The following HS6ST3 variants were observed in gnomAD, a reference collection of about 807,000 sequenced individuals.
The protein encoded by HS6ST3 is heparan sulfate 6-O-sulfotransferase 3, also known as heparan-sulfate 6-O-sulfotransferase 3.
Under a neutral mutation model 36.7 loss-of-function variants are expected in HS6ST3, and 12 were observed. The observed-to-expected ratio is 0.33, with a 90% CI of 0.21 to 0.53. HS6ST3 has a LOEUF of 0.53. Ranked by LOEUF, HS6ST3 falls within the 20% of genes least tolerant of loss-of-function variation. The pLI, the probability that HS6ST3 is intolerant of heterozygous loss-of-function variation, is 0.95. For synonymous variants in HS6ST3, 240 were observed against 257.5 expected (o/e 0.93, Z 0.65); for missense variants, 584 against 640.9 (o/e 0.91, Z 0.96).
At chr13:96,187,652 A>AT (rs2054270627) in intron 1 of HS6ST3, among the ~76,000 whole-genome samples, 1 of 152,100 alleles carries the variant, frequency 6.6e-6, no homozygotes. Flanking sequence ...TCTATGGCCA[A>AT]TTTTCAAGAC....
intron 1 of HS6ST3, among the ~76,000 whole-genome samples, chr13:96,722,531 A>G (rs1875876155): frequency 6.6e-6 from 1 of 152,194 alleles, no homozygotes; most frequent in Non-Finnish European, 1.5e-5. Context: ...CTGTAGAAAG[A>G]ACACATGGGT....
At chr13:96,480,660 G>A (rs545898486) in intron 1 of HS6ST3, among the ~76,000 whole-genome samples, 3 of 152,056 alleles carry the variant, frequency 2.0e-5, no homozygotes, top group East Asian at 1.9e-4. Flanking sequence ...TACATCACTG[G>A]GTTCTAGAGG....
chr13:96,548,359 T>A (rs868446272), intron 1 of HS6ST3, among the ~76,000 whole-genome samples: 14 of 152,124 alleles, frequency 9.2e-5, no homozygotes, highest in African/African-American at 3.4e-4. Flanking sequence ...AGCACCAATT[T>A]CACTTTTCCA....
intron 1 of HS6ST3, among the ~76,000 whole-genome samples, chr13:96,468,338 G>A (rs909219288): frequency 2.0e-5 from 3 of 152,094 alleles, no homozygotes; most frequent in Non-Finnish European, 2.9e-5. Flanking sequence ...GAAATTGGGT[G>A]TCTTTAAATG....
chr13:96,738,674 G>GA (rs775274055), intron 1 of HS6ST3, among the ~76,000 whole-genome samples: 5 of 152,072 alleles, frequency 3.3e-5, no homozygotes, highest in Non-Finnish European at 7.4e-5. Flanking sequence ...GAAATTAAGT[G>GA]AAAAAAGTTG....
intron 1 of HS6ST3, among the ~76,000 whole-genome samples, chr13:96,328,355 A>C (rs1384465424): frequency 1.3e-5 from 2 of 151,266 alleles, no homozygotes; most frequent in Non-Finnish European, 3.0e-5. Context: ...AATACGTCCC[A>C]TCAATACCTA....
chr13:96,297,082 T>C (rs897119210), intron 1 of HS6ST3, among the ~76,000 whole-genome samples: 3 of 152,266 alleles, frequency 2.0e-5, no homozygotes, highest in Middle Eastern at 6.8e-3. Flanking sequence ...ACAGACTCTT[T>C]AGCATTTTTT....
intron 1 of HS6ST3, among the ~76,000 whole-genome samples, chr13:96,322,416 G>C (rs1029710223): frequency 6.6e-6 from 1 of 150,826 alleles, no homozygotes; most frequent in Admixed American, 6.6e-5. Flanking sequence ...CATTATCCAG[G>C]TGTGGTGGTT....
intron 1 of HS6ST3, among the ~76,000 whole-genome samples, chr13:96,662,984 T>G (rs770987738): frequency 1.6e-4 from 24 of 152,128 alleles, no homozygotes; most frequent in Non-Finnish European, 3.1e-4. Flanking sequence ...TTCTTTCAGG[T>G]AGTGGGCTGG....
intron 1 of HS6ST3, among the ~76,000 whole-genome samples, chr13:96,390,194 C>T (rs762417010): frequency 1.7e-4 from 26 of 152,070 alleles, no homozygotes; most frequent in Non-Finnish European, 3.4e-4. Flanking sequence ...CTGTATAATT[C>T]AGACCCATAG....
chr13:96,738,214 C>T (rs951605107), intron 1 of HS6ST3, among the ~76,000 whole-genome samples: 3 of 152,294 alleles, frequency 2.0e-5, no homozygotes, highest in South Asian at 2.1e-4. Flanking sequence ...CATTCTCAGA[C>T]GTTACCGAAG....
intron 1 of HS6ST3, among the ~76,000 whole-genome samples, chr13:96,455,723 G>A (rs1364079885): frequency 1.3e-5 from 2 of 152,222 alleles, no homozygotes; most frequent in East Asian, 1.9e-4. Context: ...TAATATAGAA[G>A]TTTGATAGTT....
At chr13:96,154,506 G>C (rs986031241) in intron 1 of HS6ST3, among the ~76,000 whole-genome samples, 1 of 152,032 alleles carries the variant, frequency 6.6e-6, no homozygotes, top group Non-Finnish European at 1.5e-5. Flanking sequence ...ATTCAGCTTA[G>C]TGTAACATCA....
At chr13:96,167,725 G>A (rs937645206) in intron 1 of HS6ST3, among the ~76,000 whole-genome samples, 1 of 152,144 alleles carries the variant, frequency 6.6e-6, no homozygotes, top group Non-Finnish European at 1.5e-5. Flanking sequence ...TCATGAATAG[G>A]TGATTAATTA....
intron 1 of HS6ST3, among the ~76,000 whole-genome samples, chr13:96,451,262 T>C (rs1355342109): frequency 6.6e-6 from 1 of 152,160 alleles, no homozygotes; most frequent in East Asian, 1.9e-4. Flanking sequence ...GATGTTGATA[T>C]AGATAACATA....
At chr13:96,159,823 C>T (rs549858531) in intron 1 of HS6ST3, among the ~76,000 whole-genome samples, 2 of 152,226 alleles carry the variant, frequency 1.3e-5, no homozygotes, top group South Asian at 2.1e-4. Context: ...TCTGAGCAAG[C>T]GTGTCCTTCC....
At chr13:96,147,716 C>T (rs138579761) in intron 1 of HS6ST3, among the ~76,000 whole-genome samples, 1 of 152,220 alleles carries the variant, frequency 6.6e-6, no homozygotes, top group Non-Finnish European at 1.5e-5. Context: ...CACCTTGCAC[C>T]CTGAGCTGCA....
At chr13:96,788,607 C>G (rs903313573) in intron 1 of HS6ST3, among the ~76,000 whole-genome samples, 1 of 151,818 alleles carries the variant, frequency 6.6e-6, no homozygotes, top group Non-Finnish European at 1.5e-5. Context: ...TTTTTGTTCA[C>G]TTGTTACAGT....
At chr13:96,302,116 T>C (rs1226445605) in intron 1 of HS6ST3, among the ~76,000 whole-genome samples, 2 of 151,848 alleles carry the variant, frequency 1.3e-5, no homozygotes, top group South Asian at 2.1e-4. Flanking sequence ...GGTGTATCAA[T>C]TGAGGAAGCC....
Sources: allele counts gnomAD v4.1 joint callset (sites outside exome capture counted in the v4.1 genomes callset), GRCh38; gene constraint gnomAD v4.1.1; transcripts MANE v1.5; gene names NCBI Gene and HGNC (gene_info 2026-07-23, HGNC 2026-07-21).